Variants in MND1 observed in about 807,000 individuals in gnomAD.
MND1 encodes meiotic nuclear division protein 1 homolog.
Under a neutral mutation model 35.1 loss-of-function variants are expected in MND1, and 28 were observed. The observed-to-expected ratio is 0.80, with a 90% CI of 0.59 to 1.09. MND1 has a LOEUF of 1.09. MND1 is among the 50% of genes least tolerant of loss of function. The pLI is 0.00. For missense variants in MND1, 213 were observed against 239.6 expected, an observed-to-expected ratio of 0.89 and a Z score of 0.73; for synonymous variants, 69 against 70.5, an observed-to-expected ratio of 0.98 and a Z score of 0.11.
intron 4 of MND1, 118 bp downstream of exon 4, chr4:153,358,740 G>C (rs569858961): frequency 1.0e-6 from 1 of 955,126 alleles, no homozygotes; most frequent in Non-Finnish European, 1.5e-6. Flanking sequence ...TTGACTGAAA[G>C]TCTAAAGATA....
intron 4 of MND1, chr4:153,361,665 C>T: frequency 5.0e-6 from 2 of 397,586 alleles, no homozygotes; most frequent in South Asian, 3.6e-5. Flanking sequence ...CGGTGAAACC[C>T]TGTCCACTAA....
chr4:153,362,571 T>C (rs1019490758), intron 4 of MND1, among the ~76,000 whole-genome samples: 1 of 152,202 alleles, frequency 6.6e-6, no homozygotes, highest in Non-Finnish European at 1.5e-5. Context: ...CTTTATAAAT[T>C]ACCCAGTCTC....
intron 6 of MND1, among the ~76,000 whole-genome samples, chr4:153,399,129 T>TA (rs1320689551): frequency 6.6e-6 from 1 of 152,210 alleles, no homozygotes; most frequent in Non-Finnish European, 1.5e-5. Flanking sequence ...CATTTACTCT[T>TA]ACTTGCCTTT....
intron 7 of MND1, among the ~76,000 whole-genome samples, chr4:153,409,370 C>CTAATAA (rs58903970): frequency 0.044 from 6,544 of 149,356 alleles, 382 homozygotes; most frequent in African/African-American, 0.14. Flanking sequence ...TATCATCTTG[C>CTAATAA]TAATAATAAT....
chr4:153,408,945 A>AT, intron 6 of MND1, 26 bp from the exon 7 acceptor site: 1 of 931,372 alleles, frequency 1.1e-6, no homozygotes, highest in African/African-American at 1.9e-5. Flanking sequence ...AATACATTTC[A>AT]TTTTATATAT....
chr4:153,394,237 G>A, intron 4 of MND1, 25 bp from the exon 5 acceptor site: 2 of 1,604,574 alleles, frequency 1.2e-6, no homozygotes, highest in Non-Finnish European at 1.7e-6. Context: ...TTAGCAAGCT[G>A]TTTTATTTGT....
At chr4:153,367,157 C>T (rs1027453764) in intron 4 of MND1, among the ~76,000 whole-genome samples, 2 of 152,208 alleles carry the variant, frequency 1.3e-5, no homozygotes, top group African/African-American at 4.8e-5. Flanking sequence ...AGTTTATATA[C>T]CATATAATTC....
chr4:153,411,677 C>A (rs1218275651), intron 7 of MND1, among the ~76,000 whole-genome samples: 1 of 152,116 alleles, frequency 6.6e-6, no homozygotes, highest in Non-Finnish European at 1.5e-5. Context: ...ACCCTGGTGC[C>A]TCATTCTCAT....
chr4:153,389,349 TTTTA>T (rs535399764), intron 4 of MND1, among the ~76,000 whole-genome samples: 64 of 152,106 alleles, frequency 4.2e-4, no homozygotes, highest in African/African-American at 9.6e-4. Context: ...GTAAATACCT[TTTTA>T]TTTATTTATT....
At chr4:153,394,586 C>G (rs1407261295) in intron 5 of MND1, among the ~76,000 whole-genome samples, 3 of 152,180 alleles carry the variant, frequency 2.0e-5, no homozygotes, top group East Asian at 3.8e-4. Context: ...CTCCTAAATT[C>G]TGTTTTCACT....
rs778662329 is a variant in MND1, at chr4:153,344,728, C to A, written c.-10C>A. 1.3e-6 allele frequency: 2 copies of A among 1,594,464 alleles called. No homozygotes were observed. The highest frequency in any genetic ancestry group is 1.7e-6 in the Non-Finnish European group (2 of 1,171,838). ...CGGGCCCGGCCAGCGGAAGCCCCTG[C>A]GCCCGCGCCATGGTAAGGACTGAGG... is the stretch of plus-strand genomic sequence containing the variant. On this transcript the variant is annotated 5_prime_UTR_variant, in exon 1 of 8. Coordinates refer to ENST00000240488, the MANE Select transcript of MND1 (RefSeq NM_032117.4).
chr4:153,356,489 C>T (rs907407684), intron 3 of MND1, among the ~76,000 whole-genome samples: 5 of 128,292 alleles, frequency 3.9e-5, no homozygotes, highest in African/African-American at 1.5e-4. Context: ...GGAGGCAGAG[C>T]TTGCAGTGAG....
intron 6 of MND1, among the ~76,000 whole-genome samples, chr4:153,399,890 ATTTTTTT>A (rs34815482): frequency 5.6e-5 from 4 of 71,120 alleles, no homozygotes; most frequent in African/African-American, 2.7e-4. Context: ...TTTCAGTGAG[ATTTTTTT>A]TTTTTTTTTT....
At chr4:153,361,396 G>GT in intron 4 of MND1, 1 of 450,190 alleles carries the variant, frequency 2.2e-6, no homozygotes, top group South Asian at 1.6e-5. Context: ...GTTTTCCTTA[G>GT]TAATCTCTCT....
chr4:153,361,779 A>G (rs974072476), intron 4 of MND1, among the ~76,000 whole-genome samples: 1 of 152,124 alleles, frequency 6.6e-6, no homozygotes, highest in African/African-American at 2.4e-5. Flanking sequence ...TGGAGCTTGC[A>G]GTGAGCCAAG....
At chr4:153,363,473 A>G (rs1199746782) in intron 4 of MND1, among the ~76,000 whole-genome samples, 1 of 152,080 alleles carries the variant, frequency 6.6e-6, no homozygotes, top group Non-Finnish European at 1.5e-5. Context: ...CGGCCTCCCA[A>G]AGTGCTAGGA....
rs60037291 is a variant in MND1, at chr4:153,385,715, C to CAAA, written c.277-8530_277-8528dup. Among the ~76,000 whole-genome samples, 34 of 83,672 alleles carry CAAA rather than the reference C, an allele frequency of 4.1e-4. 1 individual carries two copies. Among genetic ancestry groups the CAAA allele is most frequent in the Non-Finnish European group, 6.6e-4 (26 of 39,414 alleles). 54.9% of individuals were successfully genotyped at this position (83,672 alleles called of 152,430 possible). On this transcript the variant is annotated intron_variant, in intron 4 of 7. Coordinates refer to ENST00000240488, the MANE Select transcript of MND1 (RefSeq NM_032117.4). ...TGGGTGACAGAGTGAGACCCTGTCT[C>CAAA]AAAAAAAAAAAAAAAAAAAGAAAAG...
At chr4:153,384,258 CTTTT>C (rs35214226) in intron 4 of MND1, among the ~76,000 whole-genome samples, 4 of 55,370 alleles carry the variant, frequency 7.2e-5, no homozygotes, top group Non-Finnish European at 1.0e-4. Flanking sequence ...CTACTTTCTG[CTTTT>C]TTTTTTTTTT....
intron 4 of MND1, chr4:153,381,594 C>T (rs1021130701): frequency 9.5e-5 from 12 of 126,454 alleles, no homozygotes; most frequent in South Asian, 5.2e-4. Context: ...CAAAGCATAT[C>T]GATATTTCAT....
Sources: allele counts gnomAD v4.1 joint callset (sites outside exome capture counted in the v4.1 genomes callset), GRCh38; gene constraint gnomAD v4.1.1; transcripts MANE v1.5; gene names NCBI Gene and HGNC (gene_info 2026-07-23, HGNC 2026-07-21).